GMDS: variants seen among roughly 807,000 people sequenced by gnomAD.
The protein encoded by GMDS is GDP-mannose 4,6 dehydratase.
A neutral mutation model predicts 49.9 loss-of-function variants in GMDS; 20 were observed. The ratio of observed to expected loss-of-function variants is 0.40; its 90% CI spans 0.28 to 0.58. The LOEUF is 0.58. GMDS is among the 20% of genes least tolerant of loss of function. The probability of loss-of-function intolerance (pLI) is 0.42; values close to 1 mark genes in which losing one functional copy is unlikely to be tolerated. For missense variants in GMDS, 362 were observed against 481.4 expected (o/e 0.75, Z 2.32); for synonymous variants, 177 against 178.6 (o/e 0.99, Z 0.07).
intron 1 of GMDS, among the ~76,000 whole-genome samples, chr6:2,200,763 G>A (rs1303428803): frequency 1.3e-5 from 2 of 148,942 alleles, no homozygotes; most frequent in African/African-American, 5.0e-5. Context: ...TCTAGGCAGT[G>A]AGGGCAGCAT....
Position 2,190,812 on chromosome 6 carries a change from G to A in GMDS, c.102+54509C>T, listed in dbSNP as rs151324. Among the ~76,000 whole-genome samples the A allele has an allele frequency of 5.6e-3, 858 of 152,310 alleles. 13 individuals are homozygous for A. The highest frequency in any genetic ancestry group is 0.02 in the African/African-American group (835 of 41,564). ...AGGGGAGGCGTGGGTGGTGGCGGGAGGCGGCAGCAGGAGCGGCTGCAGGAG... is the reference window on the plus strand; with the variant it reads ...AGGGGAGGCGTGGGTGGTGGCGGGAAGCGGCAGCAGGAGCGGCTGCAGGAG... On this transcript the variant is annotated intron_variant, in intron 1 of 10. Coordinates refer to ENST00000380815, the MANE Select transcript of GMDS (RefSeq NM_001500.4).
At chr6:1,783,012 G>T (rs761381035) in intron 7 of GMDS, among the ~76,000 whole-genome samples, 18 of 151,904 alleles carry the variant, frequency 1.2e-4, no homozygotes, top group Non-Finnish European at 2.1e-4. Context: ...TAAAATAGTC[G>T]GGCATGTTAG....
intron 4 of GMDS, among the ~76,000 whole-genome samples, chr6:2,112,710 C>T (rs540573389): frequency 6.6e-6 from 1 of 152,344 alleles, no homozygotes; most frequent in African/African-American, 2.4e-5. Context: ...TGTCACATCA[C>T]TAAAATGTTT....
At position 1,911,994 on chromosome 6, in the gene GMDS, G is replaced by A. The variant is rs937055244; in HGVS notation, c.771+18109C>T. ...TAATAGGTCTGAGGCTACATTTGAA[G>A]ACTTTTTCAAACTAAGGAGAAGAAT... On this transcript the variant is annotated intron_variant, in intron 7 of 10. Transcript: ENST00000380815. Among the ~76,000 whole-genome samples, 7 of 152,188 alleles carry A rather than the reference G, an allele frequency of 4.6e-5. 1 individual carries two copies. The South Asian group carries it at 1.5e-3, about 32-fold the overall frequency.
chr6:1,795,778 C>T (rs923514614), intron 7 of GMDS, among the ~76,000 whole-genome samples: 1 of 152,116 alleles, frequency 6.6e-6, no homozygotes, highest in African/African-American at 2.4e-5. Flanking sequence ...AACAGTCATC[C>T]ACATTTCAGT....
At chr6:2,227,112 T>C (rs1459299900) in intron 1 of GMDS, among the ~76,000 whole-genome samples, 2 of 152,174 alleles carry the variant, frequency 1.3e-5, no homozygotes, top group African/African-American at 4.8e-5. Context: ...TATCCTCCTA[T>C]ACTTCCAATT....
At chr6:1,765,676 G>A (rs1768322272) in intron 7 of GMDS, among the ~76,000 whole-genome samples, 1 of 151,998 alleles carries the variant, frequency 6.6e-6, no homozygotes, top group Non-Finnish European at 1.5e-5. Context: ...CTGGTCCCTG[G>A]GCCAGTTTTC....
chr6:2,077,118 A>G (rs915290610), intron 4 of GMDS, among the ~76,000 whole-genome samples: 2 of 151,978 alleles, frequency 1.3e-5, no homozygotes, highest in African/African-American at 4.8e-5. Flanking sequence ...TAGGAACACT[A>G]CTGATTTTTA....
chr6:1,890,189 T>C (rs1759806071), intron 7 of GMDS, among the ~76,000 whole-genome samples: 1 of 152,078 alleles, frequency 6.6e-6, no homozygotes, highest in African/African-American at 2.4e-5. Context: ...TCTTACATTA[T>C]CAATGCACGA....
intron 7 of GMDS, among the ~76,000 whole-genome samples, chr6:1,771,278 C>T (rs3778519): frequency 0.26 from 40,076 of 152,024 alleles, 5,860 homozygotes; most frequent in South Asian, 0.44. Context: ...TTTGTCTTCT[C>T]TTCCTCCTCA....
At chr6:1,709,290 G>A (rs1765858858) in intron 9 of GMDS, among the ~76,000 whole-genome samples, 1 of 152,204 alleles carries the variant, frequency 6.6e-6, no homozygotes, top group Non-Finnish European at 1.5e-5. Context: ...ATGTGCAGAA[G>A]GGCAAAGTTT....
At chr6:1,811,178 T>C (rs1035432206) in intron 7 of GMDS, among the ~76,000 whole-genome samples, 3 of 152,244 alleles carry the variant, frequency 2.0e-5, no homozygotes, top group Non-Finnish European at 4.4e-5. Context: ...AACGCTCATA[T>C]ATTTCTGAAG....
intron 7 of GMDS, among the ~76,000 whole-genome samples, chr6:1,801,736 C>T (rs771250053): frequency 5.3e-5 from 8 of 152,244 alleles, no homozygotes; most frequent in East Asian, 3.8e-4. Flanking sequence ...CTATGTTTTC[C>T]GCACACAGAG....
intron 6 of GMDS, among the ~76,000 whole-genome samples, chr6:1,950,559 C>T (rs900650013): frequency 2.6e-5 from 4 of 152,032 alleles, no homozygotes; most frequent in Non-Finnish European, 5.9e-5. Flanking sequence ...TACTTAAGGC[C>T]CTGGAGCTAT....
chr6:1,644,559 G>C (rs1763430493), intron 9 of GMDS, among the ~76,000 whole-genome samples: 1 of 152,176 alleles, frequency 6.6e-6, no homozygotes, highest in Non-Finnish European at 1.5e-5. Context: ...GACCAAATTT[G>C]TGCTCTAAGT....
At chr6:1,938,754 A>G (rs927672577) in intron 6 of GMDS, among the ~76,000 whole-genome samples, 4 of 150,354 alleles carry the variant, frequency 2.7e-5, no homozygotes, top group South Asian at 2.1e-4. Context: ...TTTTCACTCT[A>G]TTTTCTTCTG....
At chr6:1,812,326 G>A (rs1424508116) in intron 7 of GMDS, among the ~76,000 whole-genome samples, 5 of 152,284 alleles carry the variant, frequency 3.3e-5, no homozygotes, top group Admixed American at 1.3e-4. Context: ...TGAAGAGAGC[G>A]TGAGAAGGGG....
intron 1 of GMDS, among the ~76,000 whole-genome samples, chr6:2,156,443 C>T (rs1777117832): frequency 6.6e-6 from 1 of 151,990 alleles, no homozygotes; most frequent in Non-Finnish European, 1.5e-5. Context: ...AGCACATGCT[C>T]GACAAATGGT....
chr6:1,720,723 T>A (rs915799733), intron 9 of GMDS, among the ~76,000 whole-genome samples: 2 of 152,086 alleles, frequency 1.3e-5, no homozygotes, highest in Non-Finnish European at 2.9e-5. Flanking sequence ...TCTCTCCACA[T>A]CCTCTGACCC....
Sources: allele counts gnomAD v4.1 joint callset (sites outside exome capture counted in the v4.1 genomes callset), GRCh38; gene constraint gnomAD v4.1.1; transcripts MANE v1.5; gene names NCBI Gene and HGNC (gene_info 2026-07-23, HGNC 2026-07-21).